Variants in UBE2F observed in about 807,000 individuals in gnomAD.
UBE2F encodes ubiquitin conjugating enzyme E2 F (putative).
UBE2F carries 5 observed loss-of-function variants against 29.6 expected under a neutral mutation model. That is an observed-to-expected ratio of 0.17 (90% CI 0.09 to 0.36). UBE2F has a LOEUF of 0.36. Among genes scored for constraint, UBE2F ranks in the 10% least tolerant of loss-of-function variants. The pLI, the probability that UBE2F is intolerant of heterozygous loss-of-function variation, is 1.00. For synonymous variants in UBE2F, 66 were observed against 81.8 expected (o/e 0.81, Z 1.04); for missense variants, 141 against 228.5 (o/e 0.62, Z 2.47).
chr2:238,006,297 A>AT (rs1254660401), intron 4 of UBE2F, among the ~76,000 whole-genome samples: 3 of 152,230 alleles, frequency 2.0e-5, no homozygotes, highest in Non-Finnish European at 4.4e-5. Flanking sequence ...TAAGCCATTC[A>AT]TAAGGGATCT....
intron 4 of UBE2F, among the ~76,000 whole-genome samples, chr2:237,997,142 G>T (rs1469735909): frequency 6.6e-6 from 1 of 152,222 alleles, no homozygotes; most frequent in Non-Finnish European, 1.5e-5. Flanking sequence ...CAGGAGAATT[G>T]CTTGAACCCA....
At chr2:238,039,165 G>A (rs2064785850) in intron 9 of UBE2F, among the ~76,000 whole-genome samples, 1 of 152,226 alleles carries the variant, frequency 6.6e-6, no homozygotes, top group South Asian at 2.1e-4. Flanking sequence ...AACCCAGGAG[G>A]CGGAGGTTGC....
At chr2:238,020,390 T>C (rs917010523) in intron 5 of UBE2F, among the ~76,000 whole-genome samples, 3 of 152,138 alleles carry the variant, frequency 2.0e-5, no homozygotes, top group Non-Finnish European at 2.9e-5. Flanking sequence ...GGGCACACTC[T>C]GAGGGCACCA....
chr2:238,006,427 T>C (rs1283273632), intron 4 of UBE2F, among the ~76,000 whole-genome samples: 1 of 152,230 alleles, frequency 6.6e-6, no homozygotes, highest in Non-Finnish European at 1.5e-5. Context: ...ATCTTAATTA[T>C]CACATCTTCT....
At chr2:237,991,313 TATTTA>T (rs1349749368) in intron 3 of UBE2F, among the ~76,000 whole-genome samples, 1 of 152,244 alleles carries the variant, frequency 6.6e-6, no homozygotes, top group African/African-American at 2.4e-5. Flanking sequence ...CTTTACTATC[TATTTA>T]ATTATCTTTC....
In UBE2F at chr2:237,974,150, C is replaced by T. The variant is rs1012114244; in HGVS notation, c.118+925C>T. 4.8e-5 allele frequency among the ~76,000 whole-genome samples: 7 copies of T among 145,096 alleles called. No individual in the cohort carries two copies. In the East Asian group the frequency reaches 1.2e-3, roughly 25 times the overall value. ...CGGAGATTACGGGCACCCGCCACCACGCCCAGCTCATTTTTTTTTTTTTTG... is the reference window on the plus strand; with the variant it reads ...CGGAGATTACGGGCACCCGCCACCATGCCCAGCTCATTTTTTTTTTTTTTG... On this transcript the variant is annotated intron_variant, in intron 2 of 9. Coordinates refer to ENST00000272930, the MANE Select transcript of UBE2F (RefSeq NM_080678.3).
intron 2 of UBE2F, among the ~76,000 whole-genome samples, chr2:237,983,322 G>GC (rs773705372): frequency 1.3e-4 from 20 of 152,232 alleles, no homozygotes; most frequent in Non-Finnish European, 2.6e-4. Context: ...GAGAAGGCTT[G>GC]CCCTGGCCAG....
intron 4 of UBE2F, among the ~76,000 whole-genome samples, chr2:238,011,398 T>TA (rs986490493): frequency 2.0e-5 from 3 of 152,200 alleles, no homozygotes; most frequent in African/African-American, 7.2e-5. Context: ...CCTCCCTGCT[T>TA]AAAACTGCAG....
intron 3 of UBE2F, chr2:237,990,491 C>G: frequency 2.4e-6 from 1 of 419,846 alleles, no homozygotes. Context: ...CAGTCTCAAC[C>G]TCCTGGGCTC....
chr2:238,033,868 G>C (rs902008586), intron 8 of UBE2F, among the ~76,000 whole-genome samples: 1 of 152,118 alleles, frequency 6.6e-6, no homozygotes, highest in Non-Finnish European at 1.5e-5. Context: ...TTTATTTCTG[G>C]AGCCTAATTT....
chr2:237,984,811 A>G (rs1198026103), intron 2 of UBE2F, among the ~76,000 whole-genome samples: 1 of 152,078 alleles, frequency 6.6e-6, no homozygotes, highest in African/African-American at 2.4e-5. Context: ...ACAGGGTCTC[A>G]CTTTGTTGCC....
chr2:237,990,111 CAAAA>C lies in UBE2F; in HGVS notation c.148+2138_148+2141del, dbSNP rs146262180. Among the ~76,000 whole-genome samples the C allele has an allele frequency of 3.0e-3, 254 of 84,136 alleles. 1 individual carries two copies. The highest frequency in any genetic ancestry group is 9.7e-3 in the African/African-American group (214 of 22,054). 55.2% of individuals were successfully genotyped at this position (84,136 alleles called of 152,430 possible). A position where few individuals can be genotyped will look rare whatever the true frequency, so the allele number is the denominator to read the frequency against. On this transcript the variant is annotated intron_variant, in intron 3 of 9. Coordinates refer to ENST00000272930, the MANE Select transcript of UBE2F (RefSeq NM_080678.3). ...CCTGGGCGATGGAGTGAGACTGTCT[CAAAA>C]AAAAAAAAAAAAAAAAAAGTTATCT...
At position 237,967,352 on chromosome 2, in the gene UBE2F, A is replaced by AGGCGGCGTC. The variant is rs1325580757; in HGVS notation, c.-17+227_-17+235dup. Reference sequence around the variant, plus strand: ...CCGCGGGCCGCGAGCCGGGGGTCGGAGGCGGCGTCGGCGGCCGGGGCGCTG... The same window carrying AGGCGGCGTC: ...CCGCGGGCCGCGAGCCGGGGGTCGGAGGCGGCGTCGGCGGCGTCGGCGGCCGGGGCGCTG... On this transcript the variant is annotated intron_variant, in intron 1 of 9. Coordinates refer to ENST00000272930, the MANE Select transcript of UBE2F (RefSeq NM_080678.3). The surrounding 1 kb of genome is among the most constrained non-coding windows in gnomAD (Gnocchi z 6.3). 1.4e-5 allele frequency among the ~76,000 whole-genome samples: 2 copies of AGGCGGCGTC among 146,732 alleles called. No individual in the cohort carries two copies. The highest frequency in any genetic ancestry group is 3.0e-5 in the Non-Finnish European group (2 of 65,998).
In UBE2F at chr2:237,967,100, C is replaced by T. The variant is rs2106313865; in HGVS notation, c.-49C>T. The T allele has an allele frequency of 8.9e-6, 12 of 1,346,540 alleles. No individual in the cohort carries two copies. Among genetic ancestry groups the T allele is most frequent in the East Asian group, 6.4e-5 (2 of 31,294 alleles). The allele number at this position is 1,346,540 out of a possible 1,614,324, so 83.4% of individuals were successfully genotyped here. A position where few individuals can be genotyped will look rare whatever the true frequency, so the allele number is the denominator to read the frequency against. ...CCCGGACCGGGCATGGTGTTGGGCG[C>T]CGGGCCCGCCTCGCCTGTCTCGGGG... On this transcript the variant is annotated 5_prime_UTR_variant, in exon 1 of 10. Transcript: ENST00000272930. The surrounding 1 kb of genome is among the most constrained non-coding windows in gnomAD (Gnocchi z 6.3).
At chr2:237,969,410 CT>C (rs2063127373) in intron 1 of UBE2F, among the ~76,000 whole-genome samples, 1 of 152,190 alleles carries the variant, frequency 6.6e-6, no homozygotes, top group Non-Finnish European at 1.5e-5. Context: ...GGCCCTGGTG[CT>C]TGCTGTTCTG....
At position 237,994,850 on chromosome 2, in the gene UBE2F, G is replaced by A. The variant is rs370362079; in HGVS notation, c.214+41G>A. ...AAGTATTAAAGTGATTTCAAACAGC[G>A]AATTATAAAGGCTGCCCAAACCTGT... On this transcript the variant is annotated intron_variant, in intron 4 of 9. Transcript: ENST00000272930. The A allele has an allele frequency of 3.0e-5, 46 of 1,531,206 alleles. No individual in the cohort carries two copies. In the South Asian group the frequency reaches 3.7e-4, roughly 12 times the overall value. The allele number at this position is 1,531,206 out of a possible 1,614,324, so 94.9% of individuals were successfully genotyped here. A position where few individuals can be genotyped will look rare whatever the true frequency, so the allele number is the denominator to read the frequency against.
chr2:237,994,877 A>G (rs1184624401), intron 4 of UBE2F, 68 bp downstream of exon 4: 2 of 1,303,274 alleles, frequency 1.5e-6, no homozygotes, highest in East Asian at 4.6e-5. Context: ...CAAACCTGTA[A>G]TCTTTGCTTT....
chr2:237,980,717 G>A (rs948017846), intron 2 of UBE2F, among the ~76,000 whole-genome samples: 6 of 152,210 alleles, frequency 3.9e-5, no homozygotes, highest in African/African-American at 1.4e-4. Flanking sequence ...CCACCCTGTA[G>A]GCAAGTATGC....
chr2:238,012,358 C>G (rs907998430), intron 4 of UBE2F, among the ~76,000 whole-genome samples: 6 of 152,162 alleles, frequency 3.9e-5, no homozygotes, highest in African/African-American at 1.4e-4. Flanking sequence ...TTACCAATCC[C>G]TGTCAGCTGC....
Sources: gnomAD v4.1 joint callset for allele counts (sites outside exome capture counted in the v4.1 genomes callset) on GRCh38, gnomAD v4.1.1 for gene constraint, Gnocchi (gnomAD v3.1) non-coding constraint, MANE v1.5 for transcripts, NCBI Gene and HGNC (gene_info 2026-07-23, HGNC 2026-07-21) for gene names.